Variants in GALK2 observed in about 807,000 individuals in gnomAD.
GALK2 encodes the protein N-acetylgalactosamine kinase.
GALK2 carries 36 observed loss-of-function variants against 52.4 expected under a neutral mutation model. That is an observed-to-expected ratio of 0.69 (90% CI 0.53 to 0.91). GALK2 has a LOEUF of 0.91. GALK2 is among the 40% of genes least tolerant of loss of function. The pLI, the probability that GALK2 is intolerant of heterozygous loss-of-function variation, is 0.00. For missense variants in GALK2, 579 were observed against 559.1 expected, an observed-to-expected ratio of 1.04 and a Z score of -0.36; for synonymous variants, 176 against 199.1, an observed-to-expected ratio of 0.88 and a Z score of 0.98.
At chr15:49,281,957 C>G in intron 5 of GALK2, 30 bp from the exon 6 acceptor site, 2 of 1,510,882 alleles carry the variant, frequency 1.3e-6, no homozygotes, top group Non-Finnish European at 1.8e-6. Flanking sequence ...TATGACTACT[C>G]ACAGTACAAA....
At chr15:49,248,897 T>A (rs1464093033) in intron 5 of GALK2, among the ~76,000 whole-genome samples, 1 of 152,228 alleles carries the variant, frequency 6.6e-6, no homozygotes, top group Non-Finnish European at 1.5e-5. Context: ...TGTCACTGTT[T>A]GCAAGTGGTT....
intron 5 of GALK2, among the ~76,000 whole-genome samples, chr15:49,258,046 G>T (rs2091889798): frequency 6.6e-6 from 1 of 151,570 alleles, no homozygotes; most frequent in African/African-American, 2.4e-5. Flanking sequence ...GTCACCTTAA[G>T]TATTGTGAGG....
chr15:49,218,173 C>T (rs2089529480), intron 3 of GALK2, among the ~76,000 whole-genome samples: 1 of 152,142 alleles, frequency 6.6e-6, no homozygotes, highest in South Asian at 2.1e-4. Context: ...TGATAAGACT[C>T]TATACCAGTT....
At chr15:49,260,234 C>T (rs1050483633) in intron 5 of GALK2, among the ~76,000 whole-genome samples, 20 of 151,656 alleles carry the variant, frequency 1.3e-4, no homozygotes, top group African/African-American at 4.8e-4. Context: ...ACATCCTCTC[C>T]AGCACCTGTT....
intron 5 of GALK2, among the ~76,000 whole-genome samples, chr15:49,255,653 G>T (rs2091784904): frequency 9.5e-6 from 1 of 105,560 alleles, no homozygotes; most frequent in Non-Finnish European, 2.3e-5. Context: ...CACAGAGATA[G>T]GTAGAGATCT....
intron 2 of GALK2, among the ~76,000 whole-genome samples, chr15:49,204,670 A>T (rs1466821861): frequency 6.6e-6 from 1 of 151,942 alleles, no homozygotes; most frequent in Non-Finnish European, 1.5e-5. Flanking sequence ...GATTTTAAAA[A>T]TTTTTTCAAA....
chr15:49,283,842 A>C, intron 7 of GALK2, 124 bp downstream of exon 7: 1 of 917,790 alleles, frequency 1.1e-6, no homozygotes, highest in East Asian at 2.5e-5. Flanking sequence ...ACAGCATTCC[A>C]ACTGAAGGTC....
intron 8 of GALK2, among the ~76,000 whole-genome samples, chr15:49,307,308 T>A (rs1419356488): frequency 1.3e-5 from 2 of 152,174 alleles, no homozygotes; most frequent in Non-Finnish European, 2.9e-5. Flanking sequence ...TGTTGATGTT[T>A]CTTGATGAAT....
At chr15:49,285,812 C>T (rs1218715532) in intron 7 of GALK2, among the ~76,000 whole-genome samples, 4 of 152,124 alleles carry the variant, frequency 2.6e-5, no homozygotes, top group Non-Finnish European at 5.9e-5. Context: ...AAATTTAAAT[C>T]TGAGCAATTT....
chr15:49,230,229 T>A (rs1483668854), intron 3 of GALK2, among the ~76,000 whole-genome samples: 1 of 152,150 alleles, frequency 6.6e-6, no homozygotes, highest in Non-Finnish European at 1.5e-5. Context: ...GAACCCAGCA[T>A]GAATTTCCTC....
chr15:49,197,292 T>C (rs1384315583), intron 1 of GALK2, among the ~76,000 whole-genome samples: 1 of 152,236 alleles, frequency 6.6e-6, no homozygotes, highest in Non-Finnish European at 1.5e-5. Context: ...CATTCAGTCC[T>C]ATTTTAGGAG....
chr15:49,162,980 A>T (rs1184068780), intron 1 of GALK2, among the ~76,000 whole-genome samples: 1 of 152,218 alleles, frequency 6.6e-6, no homozygotes, highest in Non-Finnish European at 1.5e-5. Context: ...CGCAGAATAG[A>T]TGTGAATGCA....
chr15:49,217,661 A>G (rs1317278577), intron 3 of GALK2, among the ~76,000 whole-genome samples: 6 of 152,220 alleles, frequency 3.9e-5, no homozygotes, highest in African/African-American at 7.2e-5. Context: ...GGCACCTTCT[A>G]AGTATCTTGT....
intron 1 of GALK2, among the ~76,000 whole-genome samples, chr15:49,171,064 TTTTTTC>T (rs1339718385): frequency 3.6e-4 from 54 of 150,014 alleles, no homozygotes; most frequent in African/African-American, 9.7e-4. Context: ...CCTTCCTTTC[TTTTTTC>T]TTTTTCTTTT....
chr15:49,268,648 A>G (rs1224903308), intron 5 of GALK2, among the ~76,000 whole-genome samples: 1 of 152,214 alleles, frequency 6.6e-6, no homozygotes, highest in Non-Finnish European at 1.5e-5. Context: ...GCAGCCAGCC[A>G]GGGTTCTATC....
chr15:49,286,971 T>C (rs1362753205), intron 7 of GALK2, among the ~76,000 whole-genome samples: 1 of 152,188 alleles, frequency 6.6e-6, no homozygotes, highest in Non-Finnish European at 1.5e-5. Context: ...AATCAGTTCA[T>C]GTTGTGACTA....
intron 3 of GALK2, among the ~76,000 whole-genome samples, chr15:49,217,856 C>A (rs947320642): frequency 6.6e-6 from 1 of 152,008 alleles, no homozygotes; most frequent in Non-Finnish European, 1.5e-5. Context: ...TTAACAAAGT[C>A]TTTAAAAAAA....
Position 49,328,054 on chromosome 15 carries a change from G to T in GALK2, c.1272G>T (p.Val424=), listed in dbSNP as rs760127486. The change falls in exon 10 of 10, where the codon GTG becomes GTT. Residue 424 remains valine, a synonymous_variant. Coordinates refer to ENST00000560031, the MANE Select transcript of GALK2 (RefSeq NM_002044.4). ...ADKLPSFLAN[V]HKAYYQRSDG... is the part of the protein sequence containing the mutation. The stretch of plus-strand genomic sequence containing the variant: ...AGCTGCCCAGCTTTCTAGCAAATGT[G>T]CACAAAGCTTATTACCAGAGGAGTG... The T allele has an allele frequency of 5.6e-6, 9 of 1,614,052 alleles. No individual in the cohort carries two copies. In the South Asian group the frequency reaches 9.9e-5, roughly 18 times the overall value.
intron 1 of GALK2, among the ~76,000 whole-genome samples, chr15:49,175,969 T>C (rs988512108): frequency 2.0e-5 from 3 of 152,224 alleles, no homozygotes; most frequent in Non-Finnish European, 2.9e-5. Flanking sequence ...GGACAGGAAT[T>C]GCTCACTCGG....
Sources: allele counts gnomAD v4.1 joint callset (sites outside exome capture counted in the v4.1 genomes callset), GRCh38; gene constraint gnomAD v4.1.1; transcripts MANE v1.5; gene names NCBI Gene and HGNC (gene_info 2026-07-23, HGNC 2026-07-21).